The following AKAP12 variants were observed in gnomAD, a reference collection of about 807,000 sequenced individuals.
AKAP12 encodes A-kinase anchor protein 12.
In AKAP12, 32 loss-of-function variants were observed where a neutral mutation model predicts 79.9. That is an observed-to-expected ratio of 0.40 (90% CI 0.30 to 0.54). The LOEUF is 0.54. Among genes scored for constraint, AKAP12 ranks in the 20% least tolerant of loss-of-function variants. The probability of loss-of-function intolerance (pLI) is 0.48; values close to 1 mark genes in which losing one functional copy is unlikely to be tolerated. For missense variants in AKAP12, 2,074 were observed against 2,177.0 expected (o/e 0.95, Z 0.94); for synonymous variants, 808 against 857.0 (o/e 0.94, Z 1.00).
intron 3 of AKAP12, among the ~76,000 whole-genome samples, chr6:151,313,047 G>A (rs768984576): frequency 1.3e-5 from 2 of 152,186 alleles, no homozygotes; most frequent in Non-Finnish European, 2.9e-5. Context: ...CTTTAACTCT[G>A]TATCAATTCA....
intron 3 of AKAP12, among the ~76,000 whole-genome samples, chr6:151,312,369 A>G (rs1485700519): frequency 6.6e-6 from 1 of 151,964 alleles, no homozygotes. Context: ...GTTGCTTGGG[A>G]GGCTAAGGTG....
chr6:151,352,082 G>T lies in AKAP12; in HGVS notation c.3691G>T (p.Glu1231Ter). The T allele has an allele frequency of 6.2e-7, 1 of 1,614,084 alleles. No homozygotes were observed. Among genetic ancestry groups the T allele is most frequent in the East Asian group, 2.2e-5 (1 of 44,866 alleles). Residue 1231 changes from glutamate to a stop codon, truncating the protein, a stop_gained, in exon 4 of 5, where the codon GAA (glutamate) becomes TAA (stop). Transcript: ENST00000402676. LOFTEE classifies it low-confidence loss of function (END_TRUNC). The part of the protein sequence containing the change: ...PPAPSSFVFQ[E>*]ETKEQSKMED... Reference sequence around the variant, plus strand: ...AGCACCTTCCAGTTTTGTGTTCCAGGAAGAAACTAAAGAACAATCAAAGAT... The same window carrying T: ...AGCACCTTCCAGTTTTGTGTTCCAGTAAGAAACTAAAGAACAATCAAAGAT...
chr6:151,321,381 C>G (rs564429685), intron 3 of AKAP12, among the ~76,000 whole-genome samples: 2 of 152,320 alleles, frequency 1.3e-5, no homozygotes, highest in East Asian at 3.9e-4. Context: ...CCACTAACTA[C>G]TTTATGTCTA....
chr6:151,241,896 C>T (rs9397038), intron 2 of AKAP12, among the ~76,000 whole-genome samples: 7,190 of 150,734 alleles, frequency 0.048, 430 homozygotes, highest in East Asian at 0.3. Context: ...GCCCTAGTCT[C>T]TTTTGGGCTG....
intron 3 of AKAP12, chr6:151,341,900 G>C: frequency 1.2e-6 from 1 of 863,530 alleles, no homozygotes; most frequent in Non-Finnish European, 1.6e-6. Context: ...TGGCATCCCA[G>C]CCCAGGCTGT....
chr6:151,304,505 A>G (rs1171195854), intron 2 of AKAP12, among the ~76,000 whole-genome samples: 1 of 131,816 alleles, frequency 7.6e-6, no homozygotes, highest in Non-Finnish European at 1.5e-5. Flanking sequence ...AAAAAAAAAA[A>G]AAAAAAAAAA....
At chr6:151,314,046 G>A (rs1359192058) in intron 3 of AKAP12, among the ~76,000 whole-genome samples, 10 of 123,078 alleles carry the variant, frequency 8.1e-5, no homozygotes, top group East Asian at 4.6e-4. Context: ...TTTTTTTTTC[G>A]GAGACAGAGT....
intron 2 of AKAP12, among the ~76,000 whole-genome samples, chr6:151,265,393 T>C (rs1275362073): frequency 1.3e-5 from 2 of 152,240 alleles, no homozygotes; most frequent in Admixed American, 1.3e-4. Context: ...TTCATATGAC[T>C]GCTTAAAACT....
At chr6:151,310,725 T>G (rs1374900888) in intron 3 of AKAP12, among the ~76,000 whole-genome samples, 2 of 152,192 alleles carry the variant, frequency 1.3e-5, no homozygotes, top group Non-Finnish European at 2.9e-5. Context: ...GCATATTTGA[T>G]TTTGAAATAA....
chr6:151,248,002 A>G (rs1797108872), intron 2 of AKAP12, among the ~76,000 whole-genome samples: 1 of 152,286 alleles, frequency 6.6e-6, no homozygotes, highest in East Asian at 1.9e-4. Context: ...TCCCAGTTGT[A>G]GTAGCATGTC....
In AKAP12 at chr6:151,349,759, A is replaced by G; in HGVS notation, c.1368A>G (p.Glu456=). The change falls in exon 4 of 5, where the codon GAA becomes GAG. Residue 456 remains glutamate (E), a synonymous_variant. Transcript: ENST00000402676. ...ELVEMDAEPQ[E]AEPAKELVKL... Reference sequence around the variant, plus strand: ...TTGAAATGGATGCAGAACCTCAGGAAGCTGAACCTGCCAAGGAGCTGGTGA... The same window carrying G: ...TTGAAATGGATGCAGAACCTCAGGAGGCTGAACCTGCCAAGGAGCTGGTGA... 6.2e-7 allele frequency: 1 copy of G among 1,614,086 alleles called. No individual in the cohort carries two copies. Among genetic ancestry groups the G allele is most frequent in the Non-Finnish European group, 8.5e-7 (1 of 1,180,004 alleles).
chr6:151,330,370 T>A (rs1933081), intron 3 of AKAP12, among the ~76,000 whole-genome samples: 27,010 of 152,124 alleles, frequency 0.18, 3,986 homozygotes, highest in African/African-American at 0.41. Context: ...TTTTATGAAT[T>A]TGCATATATC....
At position 151,325,733 on chromosome 6, in the gene AKAP12, G is replaced by T. The variant is rs868344432; in HGVS notation, c.319+19830G>T. The T allele has an allele frequency of 1.9e-5, 30 of 1,548,546 alleles. 1 individual carries two copies. The Middle Eastern group carries it at 3.8e-3, about 194-fold the overall frequency. On this transcript the variant is annotated intron_variant, in intron 3 of 4. Coordinates refer to ENST00000402676, the MANE Select transcript of AKAP12 (RefSeq NM_005100.4). ...CGGTTCTCCCCCATCCTCCGGGAGT[G>T]TCTGGGCGCTCAGTCCGCTCTGATC...
At position 151,295,899 on chromosome 6, in the gene AKAP12, T is replaced by C. The variant is rs565117771; in HGVS notation, c.163-9848T>C. Among the ~76,000 whole-genome samples the C allele has an allele frequency of 2.6e-5, 4 of 152,286 alleles. No individual in the cohort carries two copies. The East Asian group carries it at 7.7e-4, about 29-fold the overall frequency. On this transcript the variant is annotated intron_variant, in intron 2 of 4. Transcript: ENST00000402676. ...AAGGGGCCACAGGGACTCTGGGTGA[T>C]GGTGAGGAGATGTTCACCCCCTTTT... is the stretch of plus-strand genomic sequence containing the variant.
chr6:151,259,505 T>TACACACAC (rs1409619287), intron 2 of AKAP12, among the ~76,000 whole-genome samples: 15 of 59,836 alleles, frequency 2.5e-4, no homozygotes, highest in African/African-American at 1.3e-3. Context: ...TACATGTATA[T>TACACACAC]ATATATACAC....
chr6:151,343,208 A>AG (rs1441877821), intron 3 of AKAP12, among the ~76,000 whole-genome samples: 1 of 152,076 alleles, frequency 6.6e-6, no homozygotes, highest in East Asian at 1.9e-4. Context: ...GAAAATAGTG[A>AG]GGGGGAAATG....
At chr6:151,262,936 A>C (rs1190223026) in intron 2 of AKAP12, among the ~76,000 whole-genome samples, 1 of 152,184 alleles carries the variant, frequency 6.6e-6, no homozygotes, top group Non-Finnish European at 1.5e-5. Context: ...CTGGGTCTCA[A>C]TTCCCTTATA....
chr6:151,346,260 T>C (rs1778100646), intron 3 of AKAP12, among the ~76,000 whole-genome samples: 1 of 152,138 alleles, frequency 6.6e-6, no homozygotes, highest in Non-Finnish European at 1.5e-5. Context: ...CACATTGACT[T>C]GACTTTTCCC....
At chr6:151,305,628 G>A in intron 2 of AKAP12, 119 bp from the exon 3 acceptor site, 2 of 1,022,320 alleles carry the variant, frequency 2.0e-6, no homozygotes, top group Admixed American at 5.8e-5. Context: ...CATTGTTTTT[G>A]AACTTCCTTT....
Sources: gnomAD v4.1 joint callset for allele counts (sites outside exome capture counted in the v4.1 genomes callset) on GRCh38, gnomAD v4.1.1 for gene constraint, MANE v1.5 for transcripts, NCBI Gene and HGNC (gene_info 2026-07-23, HGNC 2026-07-21) for gene names.